The following NCKAP5 variants were observed in gnomAD, a reference collection of about 807,000 sequenced individuals.
The protein encoded by NCKAP5 is nck-associated protein 5.
A neutral mutation model predicts 167.0 loss-of-function variants in NCKAP5; 92 were observed. The ratio of observed to expected loss-of-function variants is 0.55; its 90% CI spans 0.47 to 0.66. The LOEUF (loss-of-function observed/expected upper bound fraction) is 0.66. NCKAP5 is among the 30% of genes least tolerant of loss of function. NCKAP5 has a pLI of 0.00. For missense variants in NCKAP5, 2,378 were observed against 2,315.0 expected (o/e 1.03, Z -0.56); for synonymous variants, 891 against 877.4 (o/e 1.02, Z -0.27).
intron 9 of NCKAP5, among the ~76,000 whole-genome samples, chr2:132,877,036 G>A (rs1268248503): frequency 6.6e-6 from 1 of 152,182 alleles, no homozygotes; most frequent in African/African-American, 2.4e-5. Context: ...GGAGGTTAAA[G>A]TGAAACTTTG....
At chr2:133,582,499 A>G in the NCKAP5 span, among the ~76,000 whole-genome samples, 1 of 152,170 alleles carries the variant, frequency 6.6e-6, no homozygotes, top group Non-Finnish European at 1.5e-5. Context: ...CAAGGGTGTT[A>G]CTATCAGTTA....
intron 7 of NCKAP5, among the ~76,000 whole-genome samples, chr2:132,988,607 G>T (rs1367378699): frequency 3.3e-5 from 5 of 152,188 alleles, no homozygotes; most frequent in African/African-American, 1.2e-4. Context: ...CTGAGCTGTG[G>T]CTGCTTCCCT....
At chr2:132,909,206 T>C (rs1324993572) in intron 8 of NCKAP5, among the ~76,000 whole-genome samples, 2 of 152,016 alleles carry the variant, frequency 1.3e-5, no homozygotes, top group East Asian at 1.9e-4. Context: ...ATTAGCTACG[T>C]GTGGTGGCGC....
At chr2:133,019,201 A>G (rs571193302) in intron 6 of NCKAP5, among the ~76,000 whole-genome samples, 177 of 152,368 alleles carry the variant, frequency 1.2e-3, no homozygotes, top group African/African-American at 3.8e-3. Flanking sequence ...AGAAAACTAC[A>G]TAGCACAGTG....
At chr2:133,329,526 TG>T (rs1682687467) in intron 3 of NCKAP5, among the ~76,000 whole-genome samples, 1 of 151,420 alleles carries the variant, frequency 6.6e-6, no homozygotes, top group Non-Finnish European at 1.5e-5. Context: ...CTGACAAAAG[TG>T]GGGGGTATTG....
At chr2:133,082,924 A>C (rs1423382830) in intron 6 of NCKAP5, among the ~76,000 whole-genome samples, 1 of 152,142 alleles carries the variant, frequency 6.6e-6, no homozygotes, top group Admixed American at 6.6e-5. Context: ...GCACTGAGTT[A>C]TTATGCAAAT....
intron 3 of NCKAP5, among the ~76,000 whole-genome samples, chr2:133,516,797 C>A (rs749617737): frequency 9.9e-5 from 15 of 152,196 alleles, no homozygotes; most frequent in Non-Finnish European, 1.5e-4. Flanking sequence ...TGATTTGATT[C>A]CTTGCTCTGT....
Position 132,781,134 on chromosome 2 carries a change from A to G in NCKAP5, c.4967T>C (p.Ile1656Thr), listed in dbSNP as rs1445391782. Reference protein sequence around the residue: ...LKGSSQGSCLIGSSISTQGNH... With the variant: ...LKGSSQGSCLTGSSISTQGNH... ...TCCTTGAGTACTGATAGAGCTGCCG[A>G]TGAGACAGGAGCCCTGAGAACTGCC... The change falls in exon 15 of 20, where the codon ATC (isoleucine) becomes ACC (threonine). Residue 1656 changes from isoleucine to threonine, a missense_variant. Ile to Thr is a moderately conservative substitution (Grantham distance 89). Coordinates refer to ENST00000409261, the MANE Select transcript of NCKAP5 (RefSeq NM_207363.3). The G allele has an allele frequency of 6.2e-7, 1 of 1,613,820 alleles. No individual in the cohort carries two copies. The highest frequency in any genetic ancestry group is 1.3e-5 in the African/African-American group (1 of 74,916).
chr2:133,514,335 CAT>C (rs1458398531), intron 3 of NCKAP5, among the ~76,000 whole-genome samples: 7 of 152,314 alleles, frequency 4.6e-5, no homozygotes, highest in Admixed American at 2.6e-4. Context: ...GGCACACACA[CAT>C]GGACATGTAT....
the NCKAP5 span, among the ~76,000 whole-genome samples, chr2:133,614,765 C>A: frequency 6.6e-6 from 1 of 151,634 alleles, no homozygotes; most frequent in African/African-American, 2.4e-5. Flanking sequence ...TCTAGCAAGG[C>A]AGGCCAACAT....
intron 5 of NCKAP5, among the ~76,000 whole-genome samples, chr2:133,181,603 C>CAAAGAAAAAAA (rs2084737925): frequency 1.4e-5 from 1 of 71,158 alleles, no homozygotes; most frequent in African/African-American, 5.8e-5. Context: ...CCCATCTCTA[C>CAAAGAAAAAAA]AAAAAAAAAA....
chr2:133,464,547 G>T (rs188817463), intron 3 of NCKAP5, among the ~76,000 whole-genome samples: 1 of 152,218 alleles, frequency 6.6e-6, no homozygotes, highest in Non-Finnish European at 1.5e-5. Flanking sequence ...AAAATTAGCC[G>T]GGTGTGGTGG....
At chr2:133,125,634 C>G (rs1293127062) in intron 6 of NCKAP5, among the ~76,000 whole-genome samples, 1 of 152,154 alleles carries the variant, frequency 6.6e-6, no homozygotes, top group African/African-American at 2.4e-5. Flanking sequence ...AGTGGCAGCC[C>G]TAAGATATCA....
At chr2:133,073,521 A>G (rs1389718097) in intron 6 of NCKAP5, among the ~76,000 whole-genome samples, 1 of 152,182 alleles carries the variant, frequency 6.6e-6, no homozygotes, top group Non-Finnish European at 1.5e-5. Context: ...GGACCACAAA[A>G]GTTCTAAGAG....
intron 5 of NCKAP5, among the ~76,000 whole-genome samples, chr2:133,131,597 C>T (rs1280081251): frequency 6.6e-6 from 1 of 152,086 alleles, no homozygotes; most frequent in Non-Finnish European, 1.5e-5. Flanking sequence ...CTTACTCAGG[C>T]CTGACTTTTT....
At chr2:132,770,253 C>T (rs1681912060) in intron 16 of NCKAP5, among the ~76,000 whole-genome samples, 1 of 151,728 alleles carries the variant, frequency 6.6e-6, no homozygotes, top group African/African-American at 2.4e-5. Flanking sequence ...ATATAAAGGG[C>T]TTTTGATGAC....
chr2:133,390,411 A>G (rs1183585575), intron 3 of NCKAP5, among the ~76,000 whole-genome samples: 1 of 152,132 alleles, frequency 6.6e-6, no homozygotes, highest in South Asian at 2.1e-4. Flanking sequence ...ACACGACCCG[A>G]TACCCTGGAG....
Position 133,546,994 on chromosome 2 carries a change from ACAGTG to A in NCKAP5, c.-62+12051_-62+12055del, listed in dbSNP as rs1686748544. Among the ~76,000 whole-genome samples the A allele has an allele frequency of 2.6e-5, 4 of 152,264 alleles. No individual in the cohort carries two copies. The South Asian group carries it at 8.3e-4, about 32-fold the overall frequency. On this transcript the variant is annotated intron_variant, in intron 2 of 19. Transcript: ENST00000409261. ...GGTTTATCTCACTAGGGAGTGCCAG[ACAGTG>A]GGCGCAGGCCAGTGGGTGCGCGCAC...
chr2:132,915,219 G>A lies in NCKAP5; in HGVS notation c.580-36303C>T, dbSNP rs573489636. Among the ~76,000 whole-genome samples the A allele has an allele frequency of 3.3e-5, 5 of 152,104 alleles. No homozygotes were observed. In the East Asian group the frequency reaches 9.7e-4, roughly 29 times the overall value. On this transcript the variant is annotated intron_variant, in intron 8 of 19. Transcript: ENST00000409261. ...GTCTCCTTCCTGAGTTTATATCATG[G>A]GGAAGGAAGTCTGAATGGTGAACAG...
Sources: allele counts gnomAD v4.1 joint callset (sites outside exome capture counted in the v4.1 genomes callset), GRCh38; gene constraint gnomAD v4.1.1; transcripts MANE v1.5; gene names NCBI Gene and HGNC (gene_info 2026-07-23, HGNC 2026-07-21).